MAN1A2: variants seen among roughly 807,000 people sequenced by gnomAD.
MAN1A2 encodes the protein mannosyl-oligosaccharide 1,2-alpha-mannosidase IB.
Under a neutral mutation model 75.7 loss-of-function variants are expected in MAN1A2, and 26 were observed. That is an observed-to-expected ratio of 0.34 (90% CI 0.25 to 0.48). The LOEUF is 0.48. MAN1A2 is among the 20% of genes least tolerant of loss of function. The probability of loss-of-function intolerance (pLI) is 0.99; values close to 1 mark genes in which losing one functional copy is unlikely to be tolerated. For synonymous variants in MAN1A2, 247 were observed against 264.6 expected (o/e 0.93, Z 0.65); for missense variants, 562 against 775.5 (o/e 0.72, Z 3.27).
chr1:117,395,812 A>G (rs1653884299), intron 1 of MAN1A2, among the ~76,000 whole-genome samples: 1 of 151,846 alleles, frequency 6.6e-6, no homozygotes, highest in Non-Finnish European at 1.5e-5. Flanking sequence ...ATCTGGCACC[A>G]CTTGCAAATT....
At chr1:117,491,387 C>T (rs1650879061) in intron 8 of MAN1A2, among the ~76,000 whole-genome samples, 1 of 152,054 alleles carries the variant, frequency 6.6e-6, no homozygotes, top group Non-Finnish European at 1.5e-5. Flanking sequence ...AATGGAACAA[C>T]AAAGTTCAGT....
chr1:117,469,826 A>C (rs1412774549), intron 8 of MAN1A2, among the ~76,000 whole-genome samples: 2 of 152,122 alleles, frequency 1.3e-5, no homozygotes, highest in East Asian at 1.9e-4. Context: ...AAAAATAAGC[A>C]TTGGCAAGGA....
intron 1 of MAN1A2, among the ~76,000 whole-genome samples, chr1:117,382,107 G>A (rs1227299410): frequency 9.9e-5 from 15 of 152,184 alleles, no homozygotes; most frequent in Non-Finnish European, 1.8e-4. Flanking sequence ...AGTAGGTTGC[G>A]AAAATTTTCT....
chr1:117,457,925 T>C (rs1649656009), intron 6 of MAN1A2, among the ~76,000 whole-genome samples: 1 of 152,154 alleles, frequency 6.6e-6, no homozygotes, highest in Admixed American at 6.6e-5. Flanking sequence ...CTCCTTCCTT[T>C]CCCTCAAGGC....
At chr1:117,411,983 G>C (rs895227005) in intron 3 of MAN1A2, among the ~76,000 whole-genome samples, 2 of 151,778 alleles carry the variant, frequency 1.3e-5, no homozygotes, top group Admixed American at 6.6e-5. Context: ...AATGAGATCA[G>C]GTGTAGTTGT....
At chr1:117,372,301 T>TG (rs1226115778) in intron 1 of MAN1A2, among the ~76,000 whole-genome samples, 2 of 152,080 alleles carry the variant, frequency 1.3e-5, no homozygotes, top group Admixed American at 6.6e-5. Context: ...CAAGAGGTGT[T>TG]AAACTATTAA....
At chr1:117,375,879 T>C (rs1216875262) in intron 1 of MAN1A2, among the ~76,000 whole-genome samples, 1 of 151,988 alleles carries the variant, frequency 6.6e-6, no homozygotes, top group Non-Finnish European at 1.5e-5. Context: ...ATTTTTGTTT[T>C]CTTTTTCTAA....
At chr1:117,421,009 C>G (rs1017751937) in intron 5 of MAN1A2, among the ~76,000 whole-genome samples, 5 of 151,998 alleles carry the variant, frequency 3.3e-5, no homozygotes, top group African/African-American at 1.2e-4. Flanking sequence ...ATGGATCCTC[C>G]TAAGACCAAA....
intron 1 of MAN1A2, among the ~76,000 whole-genome samples, chr1:117,386,451 G>T (rs944747286): frequency 1.3e-5 from 2 of 152,018 alleles, no homozygotes; most frequent in Non-Finnish European, 2.9e-5. Context: ...AACATCCCAT[G>T]GTGCCTTGGT....
chr1:117,400,359 T>C (rs1158433520), intron 1 of MAN1A2, among the ~76,000 whole-genome samples: 5 of 151,864 alleles, frequency 3.3e-5, no homozygotes, highest in Admixed American at 3.3e-4. Context: ...ATTTTATTGT[T>C]AATACTAGAT....
intron 11 of MAN1A2, 82 bp downstream of exon 11, chr1:117,499,636 AC>A: frequency 8.9e-7 from 1 of 1,124,462 alleles, no homozygotes; most frequent in Non-Finnish European, 1.2e-6. Flanking sequence ...CACCCATGTT[AC>A]CTCATTTTTA....
chr1:117,430,164 AG>A (rs1648568985), intron 5 of MAN1A2, among the ~76,000 whole-genome samples: 1 of 82,830 alleles, frequency 1.2e-5, no homozygotes. Context: ...GGCCGGGCAG[AG>A]GCGCCCCTCA....
intron 7 of MAN1A2, among the ~76,000 whole-genome samples, chr1:117,465,992 G>A (rs2101841821): frequency 6.6e-6 from 1 of 152,222 alleles, no homozygotes; most frequent in Admixed American, 6.5e-5. Context: ...GAATATATAT[G>A]TGTTGACTGT....
At chr1:117,471,822 A>T (rs901386114) in intron 8 of MAN1A2, among the ~76,000 whole-genome samples, 1 of 152,030 alleles carries the variant, frequency 6.6e-6, no homozygotes. Context: ...CTCTGTTAAA[A>T]GTTAAACAAG....
At chr1:117,501,678 AG>A (rs1651206630) in intron 11 of MAN1A2, among the ~76,000 whole-genome samples, 1 of 151,832 alleles carries the variant, frequency 6.6e-6, no homozygotes, top group Non-Finnish European at 1.5e-5. Flanking sequence ...ATTAGAGAAA[AG>A]CACCAAACCC....
intron 4 of MAN1A2, among the ~76,000 whole-genome samples, chr1:117,415,233 G>A (rs1421264030): frequency 6.6e-6 from 1 of 151,994 alleles, no homozygotes; most frequent in African/African-American, 2.4e-5. Flanking sequence ...TCATAAAATT[G>A]ATATTCCATT....
chr1:117,433,548 A>G (rs915498893), intron 5 of MAN1A2, among the ~76,000 whole-genome samples: 1 of 152,250 alleles, frequency 6.6e-6, no homozygotes, highest in African/African-American at 2.4e-5. Flanking sequence ...TAGCATTGCA[A>G]GAAAGCAAGA....
intron 12 of MAN1A2, among the ~76,000 whole-genome samples, chr1:117,513,360 G>T (rs552740476): frequency 1.6e-4 from 24 of 151,720 alleles, no homozygotes; most frequent in East Asian, 9.7e-4. Context: ...TTTATGTTTG[G>T]TTTTTTTTAC....
chr1:117,415,127 C>A (rs1647947719), intron 4 of MAN1A2, among the ~76,000 whole-genome samples: 1 of 151,938 alleles, frequency 6.6e-6, no homozygotes, highest in Non-Finnish European at 1.5e-5. Flanking sequence ...GGTCAAGTGG[C>A]ACTGCTTAGG....
Sources: gnomAD v4.1 joint callset for allele counts (sites outside exome capture counted in the v4.1 genomes callset) on GRCh38, gnomAD v4.1.1 for gene constraint, MANE v1.5 for transcripts, NCBI Gene and HGNC (gene_info 2026-07-23, HGNC 2026-07-21) for gene names.